NOTCH4: variants seen among roughly 807,000 people sequenced by gnomAD.
NOTCH4 encodes the protein notch receptor 4, also known as neurogenic locus notch homolog protein 4.
NOTCH4 carries 138 observed loss-of-function variants against 189.0 expected under a neutral mutation model. The ratio of observed to expected loss-of-function variants is 0.73; its 90% CI spans 0.64 to 0.84. NOTCH4 has a LOEUF of 0.84. Among genes scored for constraint, NOTCH4 ranks in the 40% least tolerant of loss-of-function variants. The pLI, the probability that NOTCH4 is intolerant of heterozygous loss-of-function variation, is 0.00. For missense variants in NOTCH4, 2,286 were observed against 2,605.4 expected (o/e 0.88, Z 2.67); for synonymous variants, 942 against 1,032.8 (o/e 0.91, Z 1.69).
Position 32,215,307 on chromosome 6 carries a change from G to A in NOTCH4, c.1940C>T (p.Ala647Val). Residue 647 changes from alanine (A) to valine (V), a missense_variant, in exon 12 of 30, where the codon GCC becomes GTC. Ala to Val is a moderately conservative substitution (Grantham distance 64). Transcript: ENST00000375023. The part of the protein sequence containing the change: ...KQICKDQKDK[A>V]NCLCPDGSPG... ...GCTTCCATCAGGACAGAGGCAGTTG[G>A]CCTTGTCTTTCTGGTCCTTACATAT... is the stretch of plus-strand genomic sequence containing the variant. 6.2e-7 allele frequency: 1 copy of A among 1,608,822 alleles called. No homozygotes were observed. The highest frequency in any genetic ancestry group is 8.5e-7 in the Non-Finnish European group (1 of 1,178,614).
chr6:32,220,108 C>G, intron 7 of NOTCH4, 21 bp downstream of exon 7: 15 of 1,611,830 alleles, frequency 9.3e-6, no homozygotes, highest in Non-Finnish European at 1.3e-5. Flanking sequence ...CAGAGAGGCT[C>G]TGAAGTGGGA....
At position 32,223,722 on chromosome 6, in the gene NOTCH4, C is replaced by G. The variant is rs1789943725; in HGVS notation, c.73+134G>C. 3 of 916,918 alleles carry G rather than the reference C, an allele frequency of 3.3e-6. No individual in the cohort carries two copies. The Admixed American group carries it at 7.1e-5, about 22-fold the overall frequency. The allele number at this position is 916,918 out of a possible 1,614,324, so 56.8% of individuals were successfully genotyped here. ...AGAGCCGTCTTTCCCTGGAGGCCGT[C>G]TCTATTTGGGCAGTGAGAATCTCCT... On this transcript the variant is annotated intron_variant, in intron 1 of 29. Coordinates refer to ENST00000375023, the MANE Select transcript of NOTCH4 (RefSeq NM_004557.4).
chr6:32,223,695 G>A (rs1248829586), intron 1 of NOTCH4, among the ~76,000 whole-genome samples, 161 bp downstream of exon 1: 1 of 152,008 alleles, frequency 6.6e-6, no homozygotes, highest in Non-Finnish European at 1.5e-5. Flanking sequence ...AGCTCCATGG[G>A]CAGAGCCGTC....
rs1317492666 is a variant in NOTCH4, at chr6:32,199,161, G to A, written c.4316-16C>T. ...GCAGGGGGTGCTGGTGGGAGAGACA[G>A]AGTCACAAAGAGAGGCCACTCCTGG... On this transcript the variant is annotated splice_polypyrimidine_tract_variant and intron_variant, in intron 23 of 29. Transcript: ENST00000375023. The surrounding 1 kb of genome is among the most constrained non-coding windows in gnomAD (Gnocchi z 4.9). 1 of 1,545,260 alleles carries A rather than the reference G, an allele frequency of 6.5e-7. No individual in the cohort carries two copies. The highest frequency in any genetic ancestry group is 1.4e-5 in the African/African-American group (1 of 72,768).
chr6:32,219,439 G>A (rs1169679109), intron 8 of NOTCH4, among the ~76,000 whole-genome samples, 153 bp downstream of exon 8: 1 of 152,172 alleles, frequency 6.6e-6, no homozygotes, highest in Non-Finnish European at 1.5e-5. Context: ...GGTCTTGGGT[G>A]TCCCTGAGTT....
rs531680638 is a variant in NOTCH4, at chr6:32,221,105, C to T, written c.672G>A (p.Val224=). The T allele has an allele frequency of 6.9e-5, 112 of 1,613,068 alleles. 1 individual carries two copies. In the East Asian group the frequency reaches 2.5e-3, roughly 35 times the overall value. ...GCTCACAACGTGGACCCTCCTGCCC[C>T]ACAGGGCAGAGGCACTGGAAGGAGC... is the stretch of plus-strand genomic sequence containing the variant. The part of the protein sequence containing the change: ...TLGSFQCLCP[V]GQEGPRCELR... Residue 224 remains valine (V), a synonymous_variant, in exon 4 of 30, where the codon GTG becomes GTA. Coordinates refer to ENST00000375023, the MANE Select transcript of NOTCH4 (RefSeq NM_004557.4). The surrounding 1 kb of genome is among the most constrained non-coding windows in gnomAD (Gnocchi z 4.3).
At position 32,195,083 on chromosome 6, in the gene NOTCH4, C is replaced by A; in HGVS notation, c.*354G>T. On this transcript the variant is annotated 3_prime_UTR_variant, in exon 30 of 30. Transcript: ENST00000375023. The surrounding 1 kb of genome is among the most constrained non-coding windows in gnomAD (Gnocchi z 5.4). ...TTTGTGGGCAGTGGGGACAATGGAT[C>A]ATAGGGGCACCCTTTGGAAACCATA... 1 of 298,938 alleles carries A rather than the reference C, an allele frequency of 3.3e-6. No individual in the cohort carries two copies. Among genetic ancestry groups the A allele is most frequent in the Non-Finnish European group, 6.3e-6 (1 of 159,938 alleles). 18.5% of individuals were successfully genotyped at this position (298,938 alleles called of 1,614,324 possible).
intron 17 of NOTCH4, among the ~76,000 whole-genome samples, chr6:32,211,470 C>T (rs983606793): frequency 3.7e-4 from 54 of 145,220 alleles, no homozygotes; most frequent in African/African-American, 1.2e-3. Context: ...TGGTGGCACA[C>T]GAATCCCAGC....
Position 32,198,346 on chromosome 6 carries a change from T to G in NOTCH4, c.4756+75A>C, listed in dbSNP as rs1679487353. On this transcript the variant is annotated intron_variant, in intron 26 of 29. Coordinates refer to ENST00000375023, the MANE Select transcript of NOTCH4 (RefSeq NM_004557.4). The surrounding 1 kb of genome is among the most constrained non-coding windows in gnomAD (Gnocchi z 5.5). ...CTAAAATTATTTCCTCTAGTTCTGA[T>G]ATTAAAGGACTCTCTGATTCTAATA... The G allele has an allele frequency of 6.9e-7, 1 of 1,445,908 alleles. No individual in the cohort carries two copies. Among genetic ancestry groups the G allele is most frequent in the Admixed American group, 2.2e-5 (1 of 45,332 alleles). The allele number at this position is 1,445,908 out of a possible 1,614,324, so 89.6% of individuals were successfully genotyped here. A position where few individuals can be genotyped will look rare whatever the true frequency, so the allele number is the denominator to read the frequency against.
rs760755756 is a variant in NOTCH4 at position 32,221,420 on chromosome 6, T to C, written c.452-95A>G. On this transcript the variant is annotated intron_variant, in intron 3 of 29. Coordinates refer to ENST00000375023, the MANE Select transcript of NOTCH4 (RefSeq NM_004557.4). The surrounding 1 kb of genome is among the most constrained non-coding windows in gnomAD (Gnocchi z 4.3). ...GCTCACTCTGGATTATCTCTGGGTC[T>C]CATTTTCATATTTCCTTCCCTTTAT... The C allele has an allele frequency of 1.3e-5, 11 of 855,448 alleles. No individual in the cohort carries two copies. The highest frequency in any genetic ancestry group is 2.0e-5 in the Non-Finnish European group (11 of 549,332). 53.0% of individuals were successfully genotyped at this position (855,448 alleles called of 1,614,324 possible). A position where few individuals can be genotyped will look rare whatever the true frequency, so the allele number is the denominator to read the frequency against.
intron 11 of NOTCH4, chr6:32,216,082 AG>A (rs1350193293): frequency 6.8e-6 from 1 of 146,752 alleles, no homozygotes; most frequent in Non-Finnish European, 1.5e-5. Flanking sequence ...GCTGGAGTGC[AG>A]TGGCGTGATC....
In NOTCH4 at chr6:32,213,267, CTG is replaced by C; in HGVS notation, c.2321-17_2321-16del. The C allele has an allele frequency of 6.3e-7, 1 of 1,592,356 alleles. No homozygotes were observed. The highest frequency in any genetic ancestry group is 8.6e-7 in the Non-Finnish European group (1 of 1,161,190). On this transcript the variant is annotated splice_polypyrimidine_tract_variant and intron_variant, in intron 14 of 29. Transcript: ENST00000375023. ...GAAGCACGGGGCTGGAGAGAGGAGG[CTG>C]TGAGGGTTTGGGTTCCTTGCCTGTA...
chr6:32,214,255 T>A lies in NOTCH4; in HGVS notation c.2022A>T (p.Arg674Ser), dbSNP rs139415967. 1 of 1,612,542 alleles carries A rather than the reference T, an allele frequency of 6.2e-7. No homozygotes were observed. Among genetic ancestry groups the A allele is most frequent in the Non-Finnish European group, 8.5e-7 (1 of 1,179,476 alleles). Residue 674 changes from arginine (R) to serine (S), a missense_variant and splice_region_variant, in exon 13 of 30, where the codon AGA becomes AGT. Transcript: ENST00000375023. The part of the protein sequence containing the change: ...NCTCHHGHCQ[R>S]SSCVCDVGWT... ...AACCCACGTCACACACACATGAGGA[T>A]CTGGTTGTAAAGAGAAAGGGGAGGG...
At chr6:32,213,337 C>A (rs13191072) in intron 14 of NOTCH4, 85 bp from the exon 15 acceptor site, 2 of 799,890 alleles carry the variant, frequency 2.5e-6, no homozygotes, top group South Asian at 1.7e-5. Context: ...AGGACATACA[C>A]CCCCCACCCC....
At chr6:32,223,454 G>A (rs1485579881) in intron 1 of NOTCH4, among the ~76,000 whole-genome samples, 1 of 152,046 alleles carries the variant, frequency 6.6e-6, no homozygotes, top group Non-Finnish European at 1.5e-5. Flanking sequence ...CCATCCGGGG[G>A]GTGGGGACAG....
chr6:32,195,792 A>T lies in NOTCH4; in HGVS notation c.5657T>A (p.Leu1886Ter), dbSNP rs1277020359. Reference sequence around the variant, plus strand: ...ATAGGCCCCGCCCCCCCGCGCAGCCAAGTCTACGGACCAAGTCCGAGCCTG... The same window carrying T: ...ATAGGCCCCGCCCCCCCGCGCAGCCTAGTCTACGGACCAAGTCCGAGCCTG... The part of the protein sequence containing the change: ...CLQARTWSVD[L>*]AARGGGAYSH... Residue 1886 changes from leucine (L) to a stop codon, truncating the protein, a stop_gained, in exon 30 of 30, where the codon TTG becomes TAG. Coordinates refer to ENST00000375023, the MANE Select transcript of NOTCH4 (RefSeq NM_004557.4). LOFTEE classifies it low-confidence loss of function (END_TRUNC). This position sits in a 1 kb window ranked among gnomAD's most constrained non-coding sequence, Gnocchi z 5.4. 2.7e-5 allele frequency: 43 copies of T among 1,605,176 alleles called. No homozygotes were observed. Among genetic ancestry groups the T allele is most frequent in the Non-Finnish European group, 3.4e-5 (40 of 1,179,372 alleles).
chr6:32,204,319 T>G lies in NOTCH4; in HGVS notation c.2936A>C (p.Asn979Thr). The change falls in exon 19 of 30, where the codon AAC becomes ACC. Residue 979 changes from asparagine (N) to threonine (T), a missense_variant. Transcript: ENST00000375023. ...LDACQSQPCH[N>T]HGTCTPKPGG... is the part of the protein sequence containing the mutation. ...AGGTTTGGGAGTACAGGTTCCATGG[T>G]TGTGACAGGGTTGGGACTGACAAGC... The G allele has an allele frequency of 1.9e-6, 3 of 1,613,010 alleles. No individual in the cohort carries two copies. Among genetic ancestry groups the G allele is most frequent in the Non-Finnish European group, 2.5e-6 (3 of 1,179,972 alleles).
chr6:32,201,327 T>C lies in NOTCH4; in HGVS notation c.3929A>G (p.Gln1310Arg), dbSNP rs538754624. 2 of 1,612,560 alleles carry C rather than the reference T, an allele frequency of 1.2e-6. No homozygotes were observed. The highest frequency in any genetic ancestry group is 1.3e-5 in the African/African-American group (1 of 75,044). ...LVVLSPPALD[Q>R]QLFALARVLS... ...CACCCGGGCCAGGGCAAACAGCTGCTGGTCTAGGGCTGGGGGGCTCAGTAC... is the reference window on the plus strand; with the variant it reads ...CACCCGGGCCAGGGCAAACAGCTGCCGGTCTAGGGCTGGGGGGCTCAGTAC... Residue 1310 changes from glutamine (Q) to arginine (R), a missense_variant, in exon 22 of 30, where the codon CAG (glutamine) becomes CGG (arginine). Gln to Arg is a conservative substitution (Grantham distance 43). Transcript: ENST00000375023. The surrounding 1 kb of genome is among the most constrained non-coding windows in gnomAD (Gnocchi z 5.5).
Position 32,210,938 on chromosome 6 carries a change from T to C in NOTCH4, c.2681-2A>G. On this transcript the variant is annotated splice_acceptor_variant, in intron 17 of 29. Coordinates refer to ENST00000375023, the MANE Select transcript of NOTCH4 (RefSeq NM_004557.4). LOFTEE classifies it high-confidence loss of function. The surrounding 1 kb of genome is among the most constrained non-coding windows in gnomAD (Gnocchi z 4.8). ...GGCAAAGGGAAGAGACGTCTATGCCTGGGGAGAGAGACAAACAGGGATATA... is the reference window on the plus strand; with the variant it reads ...GGCAAAGGGAAGAGACGTCTATGCCCGGGGAGAGAGACAAACAGGGATATA... The C allele has an allele frequency of 6.3e-7, 1 of 1,578,510 alleles. No individual in the cohort carries two copies. Among genetic ancestry groups the C allele is most frequent in the East Asian group, 2.2e-5 (1 of 44,502 alleles).
Sources: allele counts gnomAD v4.1 joint callset (sites outside exome capture counted in the v4.1 genomes callset), GRCh38; gene constraint gnomAD v4.1.1; non-coding constraint Gnocchi (gnomAD v3.1); transcripts MANE v1.5; gene names NCBI Gene and HGNC (gene_info 2026-07-23, HGNC 2026-07-21).